Variants in PLEKHA5 observed in about 807,000 individuals in gnomAD.
PLEKHA5 encodes the protein pleckstrin homology domain-containing family A member 5.
In PLEKHA5, 55 loss-of-function variants were observed where a neutral mutation model predicts 181.9. The observed-to-expected ratio is 0.30, with a 90% CI of 0.24 to 0.38. PLEKHA5 has a LOEUF of 0.38. Among genes scored for constraint, PLEKHA5 ranks in the 10% least tolerant of loss-of-function variants. PLEKHA5 has a pLI of 1.00. For missense variants in PLEKHA5, 1,432 were observed against 1,549.5 expected, an observed-to-expected ratio of 0.92 and a Z score of 1.27; for synonymous variants, 535 against 529.4, an observed-to-expected ratio of 1.01 and a Z score of -0.15.
At chr12:19,327,254 T>TTG (rs1555163715) in intron 20 of PLEKHA5, among the ~76,000 whole-genome samples, 12 of 150,294 alleles carry the variant, frequency 8.0e-5, no homozygotes, top group African/African-American at 2.9e-4. Context: ...TTTGTTTTTT[T>TTG]TTTTTTTTTT....
intron 20 of PLEKHA5, among the ~76,000 whole-genome samples, chr12:19,326,344 A>G (rs895328117): frequency 5.9e-5 from 9 of 152,168 alleles, no homozygotes; most frequent in African/African-American, 1.7e-4. Flanking sequence ...TTTAAATTTG[A>G]ATTACATTTT....
At chr12:19,351,075 A>G (rs138260267) in intron 25 of PLEKHA5, among the ~76,000 whole-genome samples, 3,087 of 150,438 alleles carry the variant, frequency 0.021, 46 homozygotes, top group Middle Eastern at 0.039. Context: ...AGCTGAGACT[A>G]CACACGTGTG....
intron 3 of PLEKHA5, among the ~76,000 whole-genome samples, chr12:19,240,459 T>TTA (rs984487566): frequency 4.7e-5 from 7 of 148,358 alleles, no homozygotes; most frequent in African/African-American, 1.7e-4. Flanking sequence ...TTTTTTTTTT[T>TTA]AAAGACAGGG....
intron 3 of PLEKHA5, among the ~76,000 whole-genome samples, chr12:19,213,923 A>C (rs989304814): frequency 2.0e-5 from 3 of 152,180 alleles, no homozygotes; most frequent in Non-Finnish European, 4.4e-5. Context: ...CTTTTTGTTG[A>C]GAAGCAAAAA....
chr12:19,309,514 G>A (rs1304427644), intron 15 of PLEKHA5, among the ~76,000 whole-genome samples: 1 of 152,072 alleles, frequency 6.6e-6, no homozygotes, highest in East Asian at 1.9e-4. Context: ...CCAACACTTT[G>A]GGAGGCCGAG....
chr12:19,286,304 A>T (rs111552936), intron 12 of PLEKHA5, among the ~76,000 whole-genome samples: 3,067 of 152,366 alleles, frequency 0.02, 39 homozygotes, highest in Non-Finnish European at 0.031. Context: ...ATATTAATGT[A>T]ACAGAGTATC....
chr12:19,302,905 AATT>A (rs2081970161), intron 15 of PLEKHA5, among the ~76,000 whole-genome samples: 5 of 106,622 alleles, frequency 4.7e-5, no homozygotes, highest in East Asian at 3.0e-4. Context: ...TTCTGTATGA[AATT>A]TTTTTTTTTT....
At chr12:19,257,600 G>A in intron 6 of PLEKHA5, 63 bp downstream of exon 6, 2 of 865,618 alleles carry the variant, frequency 2.3e-6, no homozygotes, top group South Asian at 2.9e-5. Context: ...TAAACTGAAT[G>A]TACCTAAGAC....
intron 11 of PLEKHA5, among the ~76,000 whole-genome samples, chr12:19,275,588 A>G (rs1017399286): frequency 6.6e-6 from 1 of 152,030 alleles, no homozygotes; most frequent in Non-Finnish European, 1.5e-5. Flanking sequence ...ACCTAGCAAG[A>G]CCCTATCTCT....
chr12:19,225,458 G>A (rs1165058312), intron 3 of PLEKHA5, among the ~76,000 whole-genome samples: 1 of 152,136 alleles, frequency 6.6e-6, no homozygotes, highest in African/African-American at 2.4e-5. Flanking sequence ...TTTAGCATTT[G>A]TGGAGTTTTA....
chr12:19,268,024 T>C (rs2071121813), intron 8 of PLEKHA5, among the ~76,000 whole-genome samples: 2 of 152,030 alleles, frequency 1.3e-5, no homozygotes, highest in Non-Finnish European at 2.9e-5. Context: ...GTGGTGAGGT[T>C]AAGGGGTTGG....
chr12:19,232,524 T>C (rs1009036333), intron 3 of PLEKHA5, among the ~76,000 whole-genome samples: 1 of 152,162 alleles, frequency 6.6e-6, no homozygotes, highest in African/African-American at 2.4e-5. Context: ...CATTGATAAC[T>C]TGAAAACTTG....
chr12:19,173,677 C>T (rs1437719819), intron 3 of PLEKHA5, among the ~76,000 whole-genome samples: 1 of 152,174 alleles, frequency 6.6e-6, no homozygotes, highest in Non-Finnish European at 1.5e-5. Flanking sequence ...CTCCAGGGAA[C>T]AGGACAAAGA....
intron 3 of PLEKHA5, among the ~76,000 whole-genome samples, chr12:19,135,967 C>A (rs1431307848): frequency 2.0e-5 from 3 of 150,106 alleles, no homozygotes; most frequent in African/African-American, 7.4e-5. Context: ...GCAGCCTTGA[C>A]CTCCTGGGCT....
intron 15 of PLEKHA5, among the ~76,000 whole-genome samples, chr12:19,313,224 A>G (rs2087224603): frequency 6.6e-6 from 1 of 152,062 alleles, no homozygotes; most frequent in Non-Finnish European, 1.5e-5. Context: ...AAAAATAAAA[A>G]ATTAGCTGGG....
intron 3 of PLEKHA5, among the ~76,000 whole-genome samples, chr12:19,206,959 A>T (rs1220586798): frequency 6.6e-6 from 1 of 152,178 alleles, no homozygotes; most frequent in Non-Finnish European, 1.5e-5. Context: ...ACAGACTGTG[A>T]CAAAGATTCA....
At chr12:19,232,910 G>T (rs1205547101) in intron 3 of PLEKHA5, among the ~76,000 whole-genome samples, 2 of 152,024 alleles carry the variant, frequency 1.3e-5, no homozygotes, top group Non-Finnish European at 1.5e-5. Context: ...TGTCTTCCTT[G>T]GTGGCATAGA....
Position 19,226,366 on chromosome 12 carries a change from C to T in PLEKHA5, c.228-27574C>T, listed in dbSNP as rs532060973. Among the ~76,000 whole-genome samples the T allele has an allele frequency of 4.6e-5, 7 of 152,146 alleles. No homozygotes were observed. The South Asian group carries it at 1.5e-3, about 32-fold the overall frequency. ...TGATTGGACATGTGGGTTCTTTCCA[C>T]CTTTTGGCTATTATGAATAGTATTG... On this transcript the variant is annotated intron_variant, in intron 3 of 31. Transcript: ENST00000429027.
At chr12:19,182,107 AT>A (rs2048749336) in intron 3 of PLEKHA5, among the ~76,000 whole-genome samples, 1 of 152,136 alleles carries the variant, frequency 6.6e-6, no homozygotes, top group African/African-American at 2.4e-5. Context: ...GTTATTATTT[AT>A]TTTTACTTTT....
Sources: allele counts gnomAD v4.1 joint callset (sites outside exome capture counted in the v4.1 genomes callset), GRCh38; gene constraint gnomAD v4.1.1; transcripts MANE v1.5; gene names NCBI Gene and HGNC (gene_info 2026-07-23, HGNC 2026-07-21).